Variants in NCR2 observed in about 807,000 individuals in gnomAD.
The protein encoded by NCR2 is NK cell activating receptor (NKp44).
A neutral mutation model predicts 30.7 loss-of-function variants in NCR2; 35 were observed. That is an observed-to-expected ratio of 1.14 (90% CI 0.87 to 1.51). The LOEUF (loss-of-function observed/expected upper bound fraction) is 1.51. Ranked by LOEUF, NCR2 falls within the 40% of genes most tolerant of loss-of-function variation. The pLI is 0.00. For synonymous variants in NCR2, 146 were observed against 134.8 expected (o/e 1.08, Z -0.58); for missense variants, 316 against 328.9 (o/e 0.96, Z 0.30).
At chr6:41,348,094 C>T (rs112971467) in intron 4 of NCR2, among the ~76,000 whole-genome samples, 38 of 152,280 alleles carry the variant, frequency 2.5e-4, no homozygotes, top group African/African-American at 9.1e-4. Context: ...CAATGGGATT[C>T]GCCTCCAACC....
chr6:41,337,458 A>G (rs933057008), intron 2 of NCR2, among the ~76,000 whole-genome samples: 1 of 152,220 alleles, frequency 6.6e-6, no homozygotes, highest in Non-Finnish European at 1.5e-5. Context: ...GCAGTTCTCC[A>G]TATTAAATGC....
intron 2 of NCR2, among the ~76,000 whole-genome samples, chr6:41,337,694 G>A (rs572856734): frequency 6.6e-6 from 1 of 152,298 alleles, no homozygotes; most frequent in South Asian, 2.1e-4. Context: ...GTCAGAAATA[G>A]AAGAAATTTT....
intron 4 of NCR2, among the ~76,000 whole-genome samples, 196 bp from the exon 5 acceptor site, chr6:41,350,482 C>G (rs886728835): frequency 6.6e-6 from 1 of 152,176 alleles, no homozygotes; most frequent in Non-Finnish European, 1.5e-5. Flanking sequence ...GGAAACTGAC[C>G]AAACTGGGCT....
At chr6:41,346,982 C>T (rs976861062) in intron 4 of NCR2, among the ~76,000 whole-genome samples, 17 of 152,212 alleles carry the variant, frequency 1.1e-4, no homozygotes, top group African/African-American at 3.9e-4. Context: ...TCTCTTCTTC[C>T]TCTCACTCTC....
At chr6:41,344,106 G>A (rs751656297) in intron 4 of NCR2, among the ~76,000 whole-genome samples, 106 of 152,006 alleles carry the variant, frequency 7.0e-4, no homozygotes, top group African/African-American at 2.2e-3. Flanking sequence ...TTCAGTCCCC[G>A]CCTCCTAGAT....
intron 4 of NCR2, among the ~76,000 whole-genome samples, chr6:41,344,219 A>C (rs1769246324): frequency 6.6e-6 from 1 of 152,204 alleles, no homozygotes; most frequent in Non-Finnish European, 1.5e-5. Context: ...TGCTTTGCCT[A>C]GATCAGCCAC....
At chr6:41,347,271 C>G (rs192843849) in intron 4 of NCR2, among the ~76,000 whole-genome samples, 1 of 152,140 alleles carries the variant, frequency 6.6e-6, no homozygotes, top group Admixed American at 6.5e-5. Flanking sequence ...ATCATCTTCC[C>G]GGGTTGTATG....
At chr6:41,336,580 T>C (rs1769037749) in intron 2 of NCR2, 152 bp downstream of exon 2, 1 of 640,120 alleles carries the variant, frequency 1.6e-6, no homozygotes, top group Non-Finnish European at 2.7e-6. Context: ...GGAACTCATA[T>C]GTGCACAAGA....
intron 4 of NCR2, chr6:41,342,826 C>A: frequency 3.6e-6 from 4 of 1,126,208 alleles, no homozygotes; most frequent in East Asian, 5.2e-5. Context: ...AGGCCAGGAG[C>A]CGGCTTGCTG....
intron 2 of NCR2, among the ~76,000 whole-genome samples, chr6:41,338,813 G>T (rs1033714407): frequency 3.3e-5 from 5 of 152,136 alleles, no homozygotes; most frequent in Non-Finnish European, 5.9e-5. Flanking sequence ...ATGATATCAA[G>T]CTCCCTTCTT....
chr6:41,338,845 G>A (rs755519130), intron 2 of NCR2, among the ~76,000 whole-genome samples: 12 of 152,260 alleles, frequency 7.9e-5, no homozygotes, highest in African/African-American at 1.7e-4. Flanking sequence ...ACCCAATGTC[G>A]TAAAGCAAAC....
intron 4 of NCR2, among the ~76,000 whole-genome samples, chr6:41,346,715 C>T (rs182080345): frequency 6.6e-6 from 1 of 152,164 alleles, no homozygotes; most frequent in African/African-American, 2.4e-5. Flanking sequence ...TGGAGTGGCT[C>T]TGCTCCATTC....
intron 4 of NCR2, among the ~76,000 whole-genome samples, chr6:41,343,811 G>C (rs1257407047): frequency 1.3e-5 from 2 of 151,812 alleles, no homozygotes; most frequent in Non-Finnish European, 2.9e-5. Context: ...AAACAACTTG[G>C]TTTTGGCTTG....
chr6:41,341,655 C>T (rs909206108), intron 2 of NCR2, 139 bp from the exon 3 acceptor site: 11 of 1,131,784 alleles, frequency 9.7e-6, no homozygotes, highest in African/African-American at 9.3e-5. Flanking sequence ...GTTCAGTCCC[C>T]ACCCCTCAAA....
chr6:41,347,518 G>A (rs967673301), intron 4 of NCR2, among the ~76,000 whole-genome samples: 2 of 152,212 alleles, frequency 1.3e-5, no homozygotes, highest in Admixed American at 6.5e-5. Context: ...AAATCCAGCA[G>A]CCAATGCTGA....
At chr6:41,344,548 G>A (rs1319985829) in intron 4 of NCR2, among the ~76,000 whole-genome samples, 1 of 152,128 alleles carries the variant, frequency 6.6e-6, no homozygotes, top group African/African-American at 2.4e-5. Flanking sequence ...CTATTCAAAT[G>A]TTTTCAATGT....
intron 4 of NCR2, among the ~76,000 whole-genome samples, chr6:41,344,379 C>A (rs919948640): frequency 6.6e-6 from 1 of 152,192 alleles, no homozygotes; most frequent in Non-Finnish European, 1.5e-5. Context: ...TGCCTTGCCC[C>A]AGGCCTGTCA....
chr6:41,336,491 C>A (rs1384476458), intron 2 of NCR2, 63 bp downstream of exon 2: 3 of 1,396,170 alleles, frequency 2.1e-6, no homozygotes, highest in Non-Finnish European at 3.0e-6. Context: ...GCCTCCATCA[C>A]CCCTGGTTTC....
intron 2 of NCR2, among the ~76,000 whole-genome samples, chr6:41,337,833 T>G (rs1367993491): frequency 6.6e-6 from 1 of 152,202 alleles, no homozygotes; most frequent in East Asian, 1.9e-4. Context: ...TCCTAAAACT[T>G]ATAGTTTAAA....
Sources: allele counts gnomAD v4.1 joint callset (sites outside exome capture counted in the v4.1 genomes callset), GRCh38; gene constraint gnomAD v4.1.1; transcripts MANE v1.5; gene names NCBI Gene and HGNC (gene_info 2026-07-23, HGNC 2026-07-21).